The following INAVA variants were observed in gnomAD, a reference collection of about 807,000 sequenced individuals.
INAVA encodes the protein innate immunity activator protein.
Under a neutral mutation model 55.3 loss-of-function variants are expected in INAVA, and 32 were observed. The ratio of observed to expected loss-of-function variants is 0.58; its 90% CI spans 0.44 to 0.78. INAVA has a LOEUF of 0.78. Among genes scored for constraint, INAVA ranks in the 30% least tolerant of loss-of-function variants. INAVA has a pLI of 0.00. For missense variants in INAVA, 756 were observed against 786.4 expected (o/e 0.96, Z 0.46); for synonymous variants, 294 against 329.4 (o/e 0.89, Z 1.16).
At chr1:200,904,484 G>A (rs576328548) in intron 5 of INAVA, among the ~76,000 whole-genome samples, 6 of 152,212 alleles carry the variant, frequency 3.9e-5, no homozygotes, top group Non-Finnish European at 7.3e-5. Flanking sequence ...TTTGAACTGT[G>A]CCTAGTGTGA....
At chr1:200,913,294 G>T (rs551238850) in intron 9 of INAVA, among the ~76,000 whole-genome samples, 3 of 152,322 alleles carry the variant, frequency 2.0e-5, no homozygotes, top group Non-Finnish European at 2.9e-5. Flanking sequence ...CAGGAAAGGT[G>T]GGGGAGGAGG....
At chr1:200,898,493 G>GTCCCTAT (rs1182755952) in intron 2 of INAVA, 38 bp downstream of exon 2, 1 of 1,595,570 alleles carries the variant, frequency 6.3e-7, no homozygotes, top group Admixed American at 1.7e-5. Flanking sequence ...CTAGTCCCTA[G>GTCCCTAT]TCCCTGGTCC....
At chr1:200,892,274 AT>A (rs1668253052), upstream of INAVA, among the ~76,000 whole-genome samples, 1 of 152,098 alleles carries the variant, frequency 6.6e-6, no homozygotes, top group Non-Finnish European at 1.5e-5. Context: ...TGATTCCTTA[AT>A]TCTTGAAGTA....
At chr1:200,900,314 T>A (rs1393416762) in intron 4 of INAVA, 94 bp downstream of exon 4, 2 of 1,129,872 alleles carry the variant, frequency 1.8e-6, no homozygotes, top group Non-Finnish European at 2.6e-6. Flanking sequence ...CAGGTTCCCT[T>A]CCACCCTTTC....
chr1:200,904,621 G>C (rs1216586433), intron 5 of INAVA, among the ~76,000 whole-genome samples: 4 of 152,188 alleles, frequency 2.6e-5, no homozygotes, highest in Admixed American at 6.5e-5. Context: ...TTACCCCTCT[G>C]TCTGGGGTGT....
rs879551515 is a variant in INAVA, at chr1:200,901,150, C to T, written c.511C>T (p.Leu171=). 2 of 1,515,332 alleles carry T rather than the reference C, an allele frequency of 1.3e-6. No homozygotes were observed. Among genetic ancestry groups the T allele is most frequent in the Admixed American group, 4.0e-5 (2 of 49,696 alleles). The allele number at this position is 1,515,332 out of a possible 1,614,324, so 93.9% of individuals were successfully genotyped here. A position where few individuals can be genotyped will look rare whatever the true frequency, so the allele number is the denominator to read the frequency against. Residue 171 remains leucine, a synonymous_variant, in exon 5 of 10, where the codon CTG becomes TTG. Coordinates refer to ENST00000413687, the MANE Select transcript of INAVA (RefSeq NM_001142569.3). The part of the protein sequence containing the change: ...SEPPPAAALP[L]GRELSASDDS... Reference sequence around the variant, plus strand: ...GCCACCTCCGGCTGCTGCTCTCCCCCTGGGCCGAGGTGAGCCGGCTGCCCT... The same window carrying T: ...GCCACCTCCGGCTGCTGCTCTCCCCTTGGGCCGAGGTGAGCCGGCTGCCCT...
In INAVA at chr1:200,901,155, C is replaced by A. The variant is rs1241521498; in HGVS notation, c.516C>A (p.Gly172=). 1 of 1,507,016 alleles carries A rather than the reference C, an allele frequency of 6.6e-7. No homozygotes were observed. The highest frequency in any genetic ancestry group is 8.9e-7 in the Non-Finnish European group (1 of 1,129,256). 93.4% of individuals were successfully genotyped at this position (1,507,016 alleles called of 1,614,324 possible). A position where few individuals can be genotyped will look rare whatever the true frequency, so the allele number is the denominator to read the frequency against. ...CTCCGGCTGCTGCTCTCCCCCTGGG[C>A]CGAGGTGAGCCGGCTGCCCTGAGGG... ...EPPPAAALPL[G]RELSASDDSS... is the part of the protein sequence containing the mutation. Residue 172 remains glycine (G), a synonymous_variant, in exon 5 of 10, where the codon GGC becomes GGA. Coordinates refer to ENST00000413687, the MANE Select transcript of INAVA (RefSeq NM_001142569.3).
At chr1:200,899,346 G>A (rs1393298017) in intron 2 of INAVA, 127 bp from the exon 3 acceptor site, 4 of 1,363,930 alleles carry the variant, frequency 2.9e-6, no homozygotes, top group African/African-American at 1.5e-5. Context: ...CAATTTGTGG[G>A]CAGGCATGAG....
Position 200,911,645 on chromosome 1 carries a change from G to A in INAVA, c.1152G>A (p.Ser384=), listed in dbSNP as rs1359585460. ...TCTCCAGCATCTCCCACCCCACTTC[G>A]CCGGGCAGCAGCAGCCCCGACATCT... The part of the protein sequence containing the change: ...SDVSSISHPT[S]PGSSSPDISF... The change falls in exon 9 of 10, where the codon TCG becomes TCA. Residue 384 remains serine (S), a synonymous_variant. Coordinates refer to ENST00000413687, the MANE Select transcript of INAVA (RefSeq NM_001142569.3). 15 of 1,613,804 alleles carry A rather than the reference G, an allele frequency of 9.3e-6. No homozygotes were observed. Among genetic ancestry groups the A allele is most frequent in the Non-Finnish European group, 1.1e-5 (13 of 1,179,936 alleles).
rs1465586275 is a variant in INAVA, at chr1:200,915,620, G to T, written c.*1991G>T. 1 of 151,836 alleles carries T rather than the reference G, an allele frequency of 6.6e-6. No homozygotes were observed. The highest frequency in any genetic ancestry group is 1.5e-5 in the Non-Finnish European group (1 of 67,944). The allele number at this position is 151,836 out of a possible 1,614,324, so 9.4% of individuals were successfully genotyped here. ...AAGCGTCCTTTACATTAACTTATTG[G>T]TCTTGTATAACACCTGGTGCCATTG... On this transcript the variant is annotated 3_prime_UTR_variant, in exon 10 of 10. Transcript: ENST00000413687.
intron 1 of INAVA, among the ~76,000 whole-genome samples, chr1:200,896,275 T>C (rs1668349515): frequency 6.7e-6 from 1 of 150,266 alleles, no homozygotes. Flanking sequence ...ACACTCAGCA[T>C]GCTAGCTGAG....
At chr1:200,903,591 G>A (rs1414899133) in intron 5 of INAVA, among the ~76,000 whole-genome samples, 1 of 151,774 alleles carries the variant, frequency 6.6e-6, no homozygotes, top group Admixed American at 6.6e-5. Context: ...GATCACTTGA[G>A]GTCGGGAGTT....
chr1:200,908,138 G>C (rs558429383), intron 6 of INAVA: 139 of 422,554 alleles, frequency 3.3e-4, no homozygotes, highest in Non-Finnish European at 5.6e-4. Flanking sequence ...TGAACTCCAA[G>C]AGAGCTGATC....
At chr1:200,896,780 C>G (rs1026864697) in intron 1 of INAVA, among the ~76,000 whole-genome samples, 2 of 152,238 alleles carry the variant, frequency 1.3e-5, no homozygotes, top group African/African-American at 4.8e-5. Flanking sequence ...GTTGGCCTTG[C>G]TTTGTTACCA....
At chr1:200,908,314 G>A (rs914116344) in intron 6 of INAVA, among the ~76,000 whole-genome samples, 8 of 152,228 alleles carry the variant, frequency 5.3e-5, no homozygotes, top group East Asian at 1.9e-4. Context: ...GAGGATGCCA[G>A]GGTCAAGGTG....
At chr1:200,904,838 T>A (rs1653416179) in intron 5 of INAVA, among the ~76,000 whole-genome samples, 1 of 152,004 alleles carries the variant, frequency 6.6e-6, no homozygotes, top group African/African-American at 2.4e-5. Context: ...GCTCAAGTGA[T>A]CTTCCTTCCT....
At chr1:200,894,007 G>C (rs780542261), upstream of INAVA, among the ~76,000 whole-genome samples, 1 of 152,188 alleles carries the variant, frequency 6.6e-6, no homozygotes, top group Admixed American at 6.5e-5. Flanking sequence ...GCCTGCTGGG[G>C]ACAGGCCAGG....
intron 5 of INAVA, 57 bp from the exon 6 acceptor site, chr1:200,907,777 A>G: frequency 2.0e-6 from 3 of 1,483,912 alleles, no homozygotes; most frequent in Non-Finnish European, 2.8e-6. Flanking sequence ...CTGGTTACTC[A>G]TATCTGTTTG....
intron 5 of INAVA, among the ~76,000 whole-genome samples, chr1:200,904,723 CT>C (rs367846848): frequency 0.14 from 19,813 of 142,310 alleles, 1,548 homozygotes; most frequent in Middle Eastern, 0.21. Flanking sequence ...AAACCTGAAT[CT>C]TTTTTTTTTT....
Sources: allele counts gnomAD v4.1 joint callset (sites outside exome capture counted in the v4.1 genomes callset), GRCh38; gene constraint gnomAD v4.1.1; transcripts MANE v1.5; gene names NCBI Gene and HGNC (gene_info 2026-07-23, HGNC 2026-07-21).